Variants in CEP128 observed in about 807,000 individuals in gnomAD.
CEP128 encodes centrosomal protein 128kDa.
A neutral mutation model predicts 156.7 loss-of-function variants in CEP128; 132 were observed. The ratio of observed to expected loss-of-function variants is 0.84; its 90% CI spans 0.73 to 0.97. The LOEUF is 0.97. Ranked by LOEUF, CEP128 falls within the 50% of genes least tolerant of loss-of-function variation. CEP128 has a pLI of 0.00. For missense variants in CEP128, 1,252 were observed against 1,281.9 expected (o/e 0.98, Z 0.36); for synonymous variants, 469 against 448.9 (o/e 1.04, Z -0.57).
intron 2 of CEP128, among the ~76,000 whole-genome samples, chr14:80,956,580 T>C (rs1040545162): frequency 6.6e-6 from 1 of 152,154 alleles, no homozygotes; most frequent in Admixed American, 6.5e-5. Flanking sequence ...ATCATTGAAA[T>C]TGTAGACAAA....
intron 13 of CEP128, 42 bp from the exon 14 acceptor site, chr14:80,793,152 C>T: frequency 6.7e-7 from 1 of 1,491,702 alleles, no homozygotes; most frequent in Non-Finnish European, 9.2e-7. Context: ...AAATCCTTGT[C>T]AAAATTGGAT....
chr14:80,809,458 A>C (rs1386450705), intron 13 of CEP128, among the ~76,000 whole-genome samples: 1 of 152,220 alleles, frequency 6.6e-6, no homozygotes, highest in Non-Finnish European at 1.5e-5. Context: ...AAAATAATAG[A>C]TAAAAACTTC....
intron 19 of CEP128, among the ~76,000 whole-genome samples, chr14:80,675,322 A>G (rs550578930): frequency 5.7e-4 from 87 of 152,196 alleles, no homozygotes; most frequent in Middle Eastern, 3.4e-3. Flanking sequence ...AAAACGTAAA[A>G]GTAGTATTAC....
chr14:80,810,635 A>G (rs1884478418), intron 13 of CEP128, among the ~76,000 whole-genome samples: 1 of 152,076 alleles, frequency 6.6e-6, no homozygotes, highest in Non-Finnish European at 1.5e-5. Flanking sequence ...TTGGTAACAG[A>G]GTAATGTTGG....
intron 19 of CEP128, among the ~76,000 whole-genome samples, chr14:80,656,288 TATTTATATATATATATATATATATATATA>T (rs1895147647): frequency 1.5e-4 from 1 of 6,726 alleles, no homozygotes; most frequent in South Asian, 3.9e-3. Context: ...TTTATATATA[TATTTATATATATATATATATATATATATA>T]TATATATATA....
chr14:80,489,242 A>T (rs1467656600), downstream of CEP128, among the ~76,000 whole-genome samples: 1 of 149,960 alleles, frequency 6.7e-6, no homozygotes, highest in Non-Finnish European at 1.5e-5. Flanking sequence ...GCTGAAATAA[A>T]CATATGGTTA....
intron 20 of CEP128, among the ~76,000 whole-genome samples, chr14:80,567,483 A>T (rs1890963561): frequency 6.6e-6 from 1 of 152,194 alleles, no homozygotes; most frequent in Admixed American, 6.5e-5. Context: ...AGCTATATGA[A>T]ACTGACACCA....
chr14:80,955,865 G>T lies in CEP128; in HGVS notation c.-172+2313C>A. ...ACGCAGACTCTGTGAGTACCCGGGAGAGATCAGGGTAGGACCCAGAGATCA... is the reference window on the plus strand; with the variant it reads ...ACGCAGACTCTGTGAGTACCCGGGATAGATCAGGGTAGGACCCAGAGATCA... On this transcript the variant is annotated intron_variant, in intron 2 of 7. Transcript: ENST00000555529. The T allele has an allele frequency of 1.2e-6, 2 of 1,614,156 alleles. No individual in the cohort carries two copies. Among genetic ancestry groups the T allele is most frequent in the Non-Finnish European group, 1.7e-6 (2 of 1,180,040 alleles).
chr14:80,616,346 T>G (rs562904473), intron 19 of CEP128, among the ~76,000 whole-genome samples: 2 of 152,182 alleles, frequency 1.3e-5, no homozygotes, highest in African/African-American at 4.8e-5. Context: ...TTCTTGCATT[T>G]TCTCATTTAA....
intron 20 of CEP128, among the ~76,000 whole-genome samples, chr14:80,560,288 G>C (rs972490188): frequency 6.6e-6 from 1 of 152,022 alleles, no homozygotes; most frequent in South Asian, 2.1e-4. Flanking sequence ...AGCCAGGTGC[G>C]GTGCCGCGTG....
intron 9 of CEP128, among the ~76,000 whole-genome samples, chr14:80,857,738 AAAAAAC>A (rs1173746902): frequency 7.2e-6 from 1 of 138,246 alleles, no homozygotes; most frequent in Non-Finnish European, 1.5e-5. Flanking sequence ...CCATCTCAAA[AAAAAAC>A]AACAACAACA....
At chr14:80,934,364 T>C (rs1885661066) in intron 2 of CEP128, among the ~76,000 whole-genome samples, 1 of 152,218 alleles carries the variant, frequency 6.6e-6, no homozygotes, top group Admixed American at 6.5e-5. Context: ...CAGGAAATGT[T>C]TTTTAAAACA....
At chr14:80,656,287 ATATT>A (rs55893934) in intron 19 of CEP128, among the ~76,000 whole-genome samples, 610 of 7,326 alleles carry the variant, frequency 0.083, 139 homozygotes, top group Non-Finnish European at 0.1. Context: ...ATTTATATAT[ATATT>A]TATATATATA....
intron 21 of CEP128, among the ~76,000 whole-genome samples, chr14:80,533,757 G>T (rs1324608504): frequency 6.6e-6 from 1 of 151,464 alleles, no homozygotes; most frequent in Admixed American, 6.6e-5. Context: ...TTCCATTTAT[G>T]CATTGCTTAT....
chr14:80,819,513 T>C (rs1224207689), intron 13 of CEP128, among the ~76,000 whole-genome samples: 6 of 152,260 alleles, frequency 3.9e-5, no homozygotes, highest in South Asian at 2.1e-4. Context: ...CCCAAAGTGC[T>C]GGGATTACAG....
intron 19 of CEP128, among the ~76,000 whole-genome samples, chr14:80,720,001 G>A (rs1449316733): frequency 1.3e-5 from 2 of 152,078 alleles, no homozygotes; most frequent in Non-Finnish European, 2.9e-5. Flanking sequence ...ACACAGAAAA[G>A]GACCTACTTA....
chr14:80,659,208 G>A (rs1334253719), intron 19 of CEP128, among the ~76,000 whole-genome samples: 2 of 152,082 alleles, frequency 1.3e-5, no homozygotes, highest in Non-Finnish European at 2.9e-5. Flanking sequence ...TTCAGTTGGA[G>A]AAGAACATTC....
At position 80,705,751 on chromosome 14, in the gene CEP128, T is replaced by C. The variant is rs145215015; in HGVS notation, c.2806+37324A>G. ...CATCCTGTGAGGAAGTGGTAACTTA[T>C]AGAGAGCCATATGTGGATTCTCTTG... is the stretch of plus-strand genomic sequence containing the variant. On this transcript the variant is annotated intron_variant, in intron 19 of 24. Transcript: ENST00000555265. 4.2e-3 allele frequency among the ~76,000 whole-genome samples: 647 copies of C among 152,256 alleles called. 9 individuals are homozygous for C. Among genetic ancestry groups the C allele is most frequent in the African/African-American group, 0.015 (622 of 41,562 alleles).
intron 19 of CEP128, among the ~76,000 whole-genome samples, chr14:80,671,815 T>C (rs1297681266): frequency 1.3e-5 from 2 of 151,416 alleles, no homozygotes; most frequent in Non-Finnish European, 2.9e-5. Flanking sequence ...GATCTCCTTA[T>C]TGTATTGTCT....
Sources: allele counts gnomAD v4.1 joint callset (sites outside exome capture counted in the v4.1 genomes callset), GRCh38; gene constraint gnomAD v4.1.1; transcripts MANE v1.5; gene names NCBI Gene and HGNC (gene_info 2026-07-23, HGNC 2026-07-21).